DESI1: variants seen among roughly 807,000 people sequenced by gnomAD.
The protein encoded by DESI1 is PPPDE peptidase domain containing 2.
In DESI1, 17 loss-of-function variants were observed where a neutral mutation model predicts 22.4. The observed-to-expected ratio is 0.76, with a 90% CI of 0.52 to 1.14. The LOEUF (loss-of-function observed/expected upper bound fraction) is 1.14. DESI1 is among the 50% of genes most tolerant of loss of function. The probability of loss-of-function intolerance (pLI) is 0.00; values close to 1 mark genes in which losing one functional copy is unlikely to be tolerated. For missense variants in DESI1, 177 were observed against 208.9 expected, an observed-to-expected ratio of 0.85 and a Z score of 0.94; for synonymous variants, 92 against 84.2, an observed-to-expected ratio of 1.09 and a Z score of -0.51.
In DESI1 at chr22:41,600,955, C is replaced by T. The variant is rs932366591; in HGVS notation, c.*142G>A. ...GCAGCATTGTCTACATGCGGCCTGA[C>T]GGTCTCCTTCCCTGGGAAATTTAAA... is the stretch of plus-strand genomic sequence containing the variant. On this transcript the variant is annotated 3_prime_UTR_variant, in exon 6 of 6. Transcript: ENST00000263256. 9.6e-4 allele frequency: 707 copies of T among 736,114 alleles called. 1 individual carries two copies. The highest frequency in any genetic ancestry group is 2.8e-4 in the Non-Finnish European group (122 of 432,582). 45.6% of individuals were successfully genotyped at this position (736,114 alleles called of 1,614,324 possible). A position where few individuals can be genotyped will look rare whatever the true frequency, so the allele number is the denominator to read the frequency against.
intron 2 of DESI1, among the ~76,000 whole-genome samples, chr22:41,607,594 G>A (rs1170043612): frequency 1.3e-5 from 2 of 152,208 alleles, no homozygotes; most frequent in Non-Finnish European, 2.9e-5. Context: ...CAGCGTCCCT[G>A]CCTCTATCCA....
chr22:41,604,268 T>A (rs1170647229), intron 3 of DESI1, 115 bp from the exon 4 acceptor site: 1 of 885,436 alleles, frequency 1.1e-6, no homozygotes, highest in African/African-American at 1.8e-5. Context: ...TTTTTTTTTT[T>A]TTTTTAGACG....
At chr22:41,602,362 G>A in intron 5 of DESI1, 1 of 985,468 alleles carries the variant, frequency 1.0e-6, no homozygotes, top group Non-Finnish European at 1.2e-6. Flanking sequence ...AGAGCTGTGG[G>A]ACTGCAAACT....
intron 1 of DESI1, among the ~76,000 whole-genome samples, chr22:41,616,903 C>A (rs2067554492): frequency 6.6e-6 from 1 of 152,116 alleles, no homozygotes; most frequent in African/African-American, 2.4e-5. Flanking sequence ...TGAACTGCGA[C>A]AGAGCTAGAT....
rs556733401 is a variant in DESI1, at chr22:41,607,827, C to T, written c.110+13G>A. On this transcript the variant is annotated intron_variant, in intron 2 of 5. Coordinates refer to ENST00000263256, the MANE Select transcript of DESI1 (RefSeq NM_015704.3). Reference sequence around the variant, plus strand: ...TCAAAACTAGTCAAAGTAAGGAGACCCACCCAACTTACCAGATGCCTTCCA... The same window carrying T: ...TCAAAACTAGTCAAAGTAAGGAGACTCACCCAACTTACCAGATGCCTTCCA... The T allele has an allele frequency of 5.0e-6, 8 of 1,614,116 alleles. No individual in the cohort carries two copies. The Admixed American group carries it at 1.2e-4, about 24-fold the overall frequency.
At chr22:41,607,746 G>T in intron 2 of DESI1, 94 bp downstream of exon 2, 1 of 1,422,394 alleles carries the variant, frequency 7.0e-7, no homozygotes, top group Non-Finnish European at 9.9e-7. Flanking sequence ...GGAGAGCTAG[G>T]TTTCATGCTG....
At chr22:41,611,522 G>A (rs1261651806) in intron 1 of DESI1, among the ~76,000 whole-genome samples, 1 of 151,490 alleles carries the variant, frequency 6.6e-6, no homozygotes. Flanking sequence ...GTTTATTTAC[G>A]TGAAGACATT....
intron 3 of DESI1, among the ~76,000 whole-genome samples, chr22:41,606,692 C>G (rs1053566477): frequency 1.4e-5 from 2 of 143,972 alleles, no homozygotes; most frequent in Non-Finnish European, 3.0e-5. Flanking sequence ...GAGAATGGCG[C>G]GAACCCGGGA....
chr22:41,620,721 C>A (rs2147054217), intron 1 of DESI1, 31 bp downstream of exon 1: 1 of 1,583,192 alleles, frequency 6.3e-7, no homozygotes, highest in East Asian at 2.3e-5. Flanking sequence ...TGGCTCCCGC[C>A]CTCCTGCCCA....
intron 5 of DESI1, chr22:41,602,836 C>T: frequency 9.7e-7 from 1 of 1,036,250 alleles, no homozygotes; most frequent in Non-Finnish European, 1.2e-6. Flanking sequence ...TCAAAGAGTT[C>T]ATGGTGCAGT....
At chr22:41,601,274 G>C in intron 5 of DESI1, 84 bp from the exon 6 acceptor site, 1 of 1,300,338 alleles carries the variant, frequency 7.7e-7, no homozygotes, top group East Asian at 2.6e-5. Flanking sequence ...CGGGTAGGGA[G>C]GAGGAGTGGG....
chr22:41,601,202 C>G lies in DESI1; in HGVS notation c.414-12G>C. ...CCTGTCCAAAGGGCCTGCAAGGAAA[C>G]AGAGACATGAGAGGGGTGGGCTCTG... On this transcript the variant is annotated splice_polypyrimidine_tract_variant and intron_variant, in intron 5 of 5. Transcript: ENST00000263256. 6.2e-7 allele frequency: 1 copy of G among 1,601,682 alleles called. No individual in the cohort carries two copies. Among genetic ancestry groups the G allele is most frequent in the South Asian group, 1.1e-5 (1 of 89,666 alleles).
chr22:41,604,224 A>C, intron 3 of DESI1, 71 bp from the exon 4 acceptor site: 1 of 1,202,114 alleles, frequency 8.3e-7, no homozygotes, highest in Non-Finnish European at 1.2e-6. Flanking sequence ...GGCTTCCCAC[A>C]GTAGACCACA....
intron 1 of DESI1, among the ~76,000 whole-genome samples, chr22:41,615,315 G>A (rs1453924052): frequency 2.7e-5 from 4 of 150,144 alleles, no homozygotes; most frequent in Admixed American, 6.6e-5. Context: ...GCACGGTGGC[G>A]GGCGCCTGTA....
At chr22:41,609,986 A>G (rs1260502641) in intron 1 of DESI1, among the ~76,000 whole-genome samples, 1 of 150,480 alleles carries the variant, frequency 6.6e-6, no homozygotes, top group Non-Finnish European at 1.5e-5. Flanking sequence ...AGGCTGAGGC[A>G]GGAGAATCGC....
intron 5 of DESI1, 98 bp downstream of exon 5, chr22:41,603,161 G>C (rs1226848098): frequency 6.4e-7 from 1 of 1,569,384 alleles, no homozygotes; most frequent in Admixed American, 1.7e-5. Flanking sequence ...GGCCCACCTG[G>C]TTGGGAGGGC....
chr22:41,613,471 C>G (rs2067530505), intron 1 of DESI1, among the ~76,000 whole-genome samples: 1 of 152,212 alleles, frequency 6.6e-6, no homozygotes, highest in Non-Finnish European at 1.5e-5. Context: ...GTCCTTCTCC[C>G]CAGTTAGACT....
intron 1 of DESI1, among the ~76,000 whole-genome samples, chr22:41,616,689 A>T (rs1363629646): frequency 6.6e-6 from 1 of 152,190 alleles, no homozygotes; most frequent in African/African-American, 2.4e-5. Flanking sequence ...GTGACTATGA[A>T]AAAAGGTGCA....
At chr22:41,606,458 A>G (rs1272407174) in intron 3 of DESI1, among the ~76,000 whole-genome samples, 5 of 152,140 alleles carry the variant, frequency 3.3e-5, no homozygotes, top group Admixed American at 6.6e-5. Flanking sequence ...CTACTGTGAC[A>G]ACACTTGGAT....
Sources: gnomAD v4.1 joint callset for allele counts (sites outside exome capture counted in the v4.1 genomes callset) on GRCh38, gnomAD v4.1.1 for gene constraint, MANE v1.5 for transcripts, NCBI Gene and HGNC (gene_info 2026-07-23, HGNC 2026-07-21) for gene names.